MCTP2: variants seen among roughly 807,000 people sequenced by gnomAD.
MCTP2 encodes the protein multiple C2 and transmembrane domain-containing protein 2.
Under a neutral mutation model 111.6 loss-of-function variants are expected in MCTP2, and 132 were observed. The observed-to-expected ratio is 1.18, with a 90% CI of 1.03 to 1.37. The LOEUF (loss-of-function observed/expected upper bound fraction) is 1.37, where lower values mean the gene tolerates loss of function less well. MCTP2 is among the 40% of genes most tolerant of loss of function. The pLI, the probability that MCTP2 is intolerant of heterozygous loss-of-function variation, is 0.00. For synonymous variants in MCTP2, 395 were observed against 387.7 expected (o/e 1.02, Z -0.22); for missense variants, 1,183 against 1,067.9 (o/e 1.11, Z -1.50).
chr15:94,367,561 G>C, intron 10 of MCTP2, 44 bp from the exon 11 acceptor site: 1 of 1,527,458 alleles, frequency 6.5e-7, no homozygotes, highest in South Asian at 1.2e-5. Context: ...CAGTGGCCTT[G>C]AATTAATCAC....
chr15:94,397,506 G>T (rs2081339503), intron 14 of MCTP2, among the ~76,000 whole-genome samples: 1 of 152,192 alleles, frequency 6.6e-6, no homozygotes, highest in Non-Finnish European at 1.5e-5. Context: ...AAGTGAGACT[G>T]TGTATCAAGG....
At chr15:94,439,116 A>C (rs755955738) in intron 17 of MCTP2, among the ~76,000 whole-genome samples, 14 of 152,348 alleles carry the variant, frequency 9.2e-5, no homozygotes, top group Non-Finnish European at 2.1e-4. Context: ...ATATGTAAAT[A>C]ATGACAAGTT....
chr15:94,427,878 A>G (rs2082971642), intron 17 of MCTP2, among the ~76,000 whole-genome samples: 1 of 152,136 alleles, frequency 6.6e-6, no homozygotes, highest in Admixed American at 6.5e-5. Context: ...ATATTGAGAA[A>G]AATCTTCTCC....
At chr15:94,245,399 T>A (rs1390050335) in intron 1 of MCTP2, among the ~76,000 whole-genome samples, 1 of 52,908 alleles carries the variant, frequency 1.9e-5, no homozygotes, top group South Asian at 5.7e-4. Flanking sequence ...TATATACATG[T>A]GTGTATATAT....
chr15:94,326,816 C>CCT (rs1567431306), intron 4 of MCTP2, among the ~76,000 whole-genome samples: 1 of 51,234 alleles, frequency 2.0e-5, no homozygotes, highest in African/African-American at 7.3e-5. Flanking sequence ...GATCCCCGCC[C>CCT]CACCCCCCCC....
chr15:94,407,135 C>T (rs2081941433), intron 17 of MCTP2, among the ~76,000 whole-genome samples: 1 of 152,016 alleles, frequency 6.6e-6, no homozygotes, highest in Non-Finnish European at 1.5e-5. Flanking sequence ...TTTGTTATGA[C>T]ATACTTATAT....
chr15:94,385,779 T>G (rs932597146), intron 14 of MCTP2, among the ~76,000 whole-genome samples: 1 of 152,268 alleles, frequency 6.6e-6, no homozygotes. Context: ...TTCAATTCAT[T>G]TTCAGTCTTC....
intron 1 of MCTP2, among the ~76,000 whole-genome samples, chr15:94,287,610 C>T (rs1040565859): frequency 2.0e-5 from 3 of 152,214 alleles, no homozygotes; most frequent in African/African-American, 7.2e-5. Context: ...AACACTTCAA[C>T]GTTTCTCTTC....
chr15:94,406,617 A>G (rs1428973607), intron 17 of MCTP2, among the ~76,000 whole-genome samples: 1 of 152,234 alleles, frequency 6.6e-6, no homozygotes, highest in East Asian at 1.9e-4. Flanking sequence ...AAGAAGCCAA[A>G]CATGGAAATG....
At chr15:94,429,769 T>C (rs1482551674) in intron 17 of MCTP2, among the ~76,000 whole-genome samples, 2 of 152,136 alleles carry the variant, frequency 1.3e-5, no homozygotes, top group African/African-American at 4.8e-5. Context: ...TATCTAACCA[T>C]AACCTCTACC....
At position 94,298,426 on chromosome 15, in the gene MCTP2, A is replaced by G; in HGVS notation, c.161A>G (p.Asp54Gly). 1 of 1,614,068 alleles carries G rather than the reference A, an allele frequency of 6.2e-7. No homozygotes were observed. Among genetic ancestry groups the G allele is most frequent in the Middle Eastern group, 1.7e-4 (1 of 6,060 alleles). ...CGCCGTCTCAGCCTCTCTGTGCCTG[A>G]TCTCCTGGAGGCTGAGGCCTTGGCC... Reference protein sequence around the residue: ...LDRRLSLSVPDLLEAEALAPE... With the variant: ...LDRRLSLSVPGLLEAEALAPE... The change falls in exon 2 of 23, where the codon GAT becomes GGT. Residue 54 changes from aspartate (D) to glycine (G), a missense_variant. Transcript: ENST00000357742.
At chr15:94,322,174 A>C (rs2076660217) in intron 4 of MCTP2, among the ~76,000 whole-genome samples, 1 of 152,206 alleles carries the variant, frequency 6.6e-6, no homozygotes, top group Non-Finnish European at 1.5e-5. Context: ...ACACGGATCT[A>C]ATTAATCACA....
rs1394218637 is a variant in MCTP2 at position 94,481,949 on chromosome 15, ATTAT to A, written c.*2920_*2923del. 1.3e-5 allele frequency: 2 copies of A among 152,206 alleles called. No individual in the cohort carries two copies. The highest frequency in any genetic ancestry group is 4.8e-5 in the African/African-American group (2 of 41,452). 9.4% of individuals were successfully genotyped at this position (152,206 alleles called of 1,614,324 possible). On this transcript the variant is annotated 3_prime_UTR_variant, in exon 23 of 23. Coordinates refer to ENST00000357742, the MANE Select transcript of MCTP2 (RefSeq NM_001385001.1). Reference sequence around the variant, plus strand: ...GCATTAAGAGCTTATTTTGTGTGATATTATTTATAATCCCTGACTATGTCAATTA... The same window carrying A: ...GCATTAAGAGCTTATTTTGTGTGATATTATAATCCCTGACTATGTCAATTA...
rs560703247 is a variant in MCTP2 at position 94,472,605 on chromosome 15, A to G, written c.2470+2163A>G. Among the ~76,000 whole-genome samples, 13 of 152,254 alleles carry G rather than the reference A, an allele frequency of 8.5e-5. No homozygotes were observed. In the East Asian group the frequency reaches 2.5e-3, roughly 29 times the overall value. On this transcript the variant is annotated intron_variant, in intron 21 of 22. Transcript: ENST00000357742. The stretch of plus-strand genomic sequence containing the variant: ...GTTATTAAATGGTATGGAGTTTATT[A>G]TGCTCTCTTGGGCTGTCAGTAACCC...
intron 17 of MCTP2, among the ~76,000 whole-genome samples, chr15:94,439,223 GAA>G (rs749412078): frequency 6.6e-6 from 1 of 151,752 alleles, no homozygotes; most frequent in Non-Finnish European, 1.5e-5. Flanking sequence ...TTAAATGTTA[GAA>G]AAAGTTTTTA....
intron 1 of MCTP2, among the ~76,000 whole-genome samples, chr15:94,246,195 A>T (rs2071992182): frequency 6.6e-6 from 1 of 152,134 alleles, no homozygotes; most frequent in Admixed American, 6.6e-5. Flanking sequence ...TGAAACCGTC[A>T]CCTACAGGAA....
chr15:94,413,570 G>T (rs1195672040), intron 17 of MCTP2, among the ~76,000 whole-genome samples: 1 of 9,636 alleles, frequency 1.0e-4, no homozygotes, highest in East Asian at 0.011. Flanking sequence ...ATGACGCTGA[G>T]TGTGTGTGTG....
At chr15:94,235,926 G>T (rs915769423) in intron 1 of MCTP2, among the ~76,000 whole-genome samples, 2 of 152,206 alleles carry the variant, frequency 1.3e-5, no homozygotes, top group South Asian at 4.1e-4. Flanking sequence ...GTCATTTGCT[G>T]ACTACTGTGG....
intron 14 of MCTP2, among the ~76,000 whole-genome samples, chr15:94,397,754 G>A (rs762452296): frequency 1.3e-5 from 2 of 152,174 alleles, no homozygotes; most frequent in Non-Finnish European, 2.9e-5. Context: ...GAACACTTGT[G>A]TGAATGCTTG....
Sources: allele counts gnomAD v4.1 joint callset (sites outside exome capture counted in the v4.1 genomes callset), GRCh38; gene constraint gnomAD v4.1.1; transcripts MANE v1.5; gene names NCBI Gene and HGNC (gene_info 2026-07-23, HGNC 2026-07-21).